SLC10A4: variants seen among roughly 807,000 people sequenced by gnomAD.
SLC10A4 encodes solute carrier family 10 member 4.
In SLC10A4, 17 loss-of-function variants were observed where a neutral mutation model predicts 22.5. That is an observed-to-expected ratio of 0.76 (90% confidence interval 0.52 to 1.14). The LOEUF is 1.14. Ranked by LOEUF, SLC10A4 falls within the 50% of genes most tolerant of loss-of-function variation. The pLI, the probability that SLC10A4 is intolerant of heterozygous loss-of-function variation, is 0.00. For synonymous variants in SLC10A4, 257 were observed against 258.2 expected, an observed-to-expected ratio of 1.00 and a Z score of 0.04; for missense variants, 548 against 584.0, an observed-to-expected ratio of 0.94 and a Z score of 0.64.
Position 48,483,409 on chromosome 4 carries a change from G to A in SLC10A4, c.-153G>A. 4 of 478,120 alleles carry A rather than the reference G, an allele frequency of 8.4e-6. No homozygotes were observed. The highest frequency in any genetic ancestry group is 1.3e-5 in the Non-Finnish European group (4 of 301,650). The allele number at this position is 478,120 out of a possible 1,614,324, so 29.6% of individuals were successfully genotyped here. A position where few individuals can be genotyped will look rare whatever the true frequency, so the allele number is the denominator to read the frequency against. On this transcript the variant is annotated 5_prime_UTR_variant, in exon 1 of 3. Transcript: ENST00000273861. This position sits in a 1 kb window ranked among gnomAD's most constrained non-coding sequence, Gnocchi z 5.4. ...GCTGCAGACCTGGGAGCGGAGACCGGCCCGCCGCCCCCGACGCCGCCGAGC... is the reference window on the plus strand; with the variant it reads ...GCTGCAGACCTGGGAGCGGAGACCGACCCGCCGCCCCCGACGCCGCCGAGC...
chr4:48,488,648 G>A lies in SLC10A4; in HGVS notation c.1023G>A (p.Val341=). 1 of 1,614,128 alleles carries A rather than the reference G, an allele frequency of 6.2e-7. No individual in the cohort carries two copies. The highest frequency in any genetic ancestry group is 8.5e-7 in the Non-Finnish European group (1 of 1,180,036). Reference sequence around the variant, plus strand: ...GTCTGGAAACAGGTAGTCAGAATGTGCAGCTCTGTACAGCCATTCTAAAAC... The same window carrying A: ...GTCTGGAAACAGGTAGTCAGAATGTACAGCTCTGTACAGCCATTCTAAAAC... ...TVCLETGSQN[V]QLCTAILKLA... The change falls in exon 3 of 3, where the codon GTG becomes GTA. Residue 341 remains valine (V), a synonymous_variant. Transcript: ENST00000273861.
Position 48,488,405 on chromosome 4 carries a change from CATT to C in SLC10A4, c.802-21_802-19del. The C allele has an allele frequency of 6.4e-7, 1 of 1,559,834 alleles. No homozygotes were observed. Among genetic ancestry groups the C allele is most frequent in the Non-Finnish European group, 8.7e-7 (1 of 1,151,636 alleles). On this transcript the variant is annotated intron_variant, in intron 2 of 2. Coordinates refer to ENST00000273861, the MANE Select transcript of SLC10A4 (RefSeq NM_152679.4). Reference sequence around the variant, plus strand: ...CGCCTGAGTTCATCTTCAACCATCTCATTGTAATTTTCTATTACTAGGTTTCCC... The same window carrying C: ...CGCCTGAGTTCATCTTCAACCATCTCGTAATTTTCTATTACTAGGTTTCCC...
In SLC10A4 at chr4:48,488,425, A is replaced by G. The variant is rs764246564; in HGVS notation, c.802-2A>G. On this transcript the variant is annotated splice_acceptor_variant, in intron 2 of 2. Transcript: ENST00000273861. LOFTEE classifies it high-confidence loss of function. ...CATCTCATTGTAATTTTCTATTACT[A>G]GGTTTCCCTGTGGTCTCTGCTAGTG... is the stretch of plus-strand genomic sequence containing the variant. 4 of 1,576,824 alleles carry G rather than the reference A, an allele frequency of 2.5e-6. No individual in the cohort carries two copies. The highest frequency in any genetic ancestry group is 4.5e-5 in the East Asian group (2 of 44,354).
chr4:48,483,909 C>T lies in SLC10A4; in HGVS notation c.348C>T (p.Thr116=). The T allele has an allele frequency of 6.5e-7, 1 of 1,544,932 alleles. No individual in the cohort carries two copies. Among genetic ancestry groups the T allele is most frequent in the Non-Finnish European group, 8.7e-7 (1 of 1,146,492 alleles). ...TCGTGGGCGCCGCCCTGTGCATCAC[C>T]ATGCTGGGCCTGGGCTGCACGGTGG... ...NVFVGAALCI[T]MLGLGCTVDV... Residue 116 remains threonine (T), a synonymous_variant, in exon 1 of 3, where the codon ACC becomes ACT. Coordinates refer to ENST00000273861, the MANE Select transcript of SLC10A4 (RefSeq NM_152679.4). This position sits in a 1 kb window ranked among gnomAD's most constrained non-coding sequence, Gnocchi z 5.4.
intron 1 of SLC10A4, 35 bp from the exon 2 acceptor site, chr4:48,484,897 C>T: frequency 1.9e-6 from 3 of 1,590,468 alleles, no homozygotes; most frequent in Non-Finnish European, 2.6e-6. Context: ...TGACTCAAAG[C>T]TCGTTCTGAT....
chr4:48,483,529 G>A lies in SLC10A4; in HGVS notation c.-33G>A. 2.0e-6 allele frequency: 3 copies of A among 1,473,952 alleles called. No homozygotes were observed. Among genetic ancestry groups the A allele is most frequent in the Non-Finnish European group, 2.7e-6 (3 of 1,114,744 alleles). The allele number at this position is 1,473,952 out of a possible 1,614,324, so 91.3% of individuals were successfully genotyped here. A position where few individuals can be genotyped will look rare whatever the true frequency, so the allele number is the denominator to read the frequency against. On this transcript the variant is annotated 5_prime_UTR_variant, in exon 1 of 3. Transcript: ENST00000273861. The surrounding 1 kb of genome is among the most constrained non-coding windows in gnomAD (Gnocchi z 5.4). ...CGGGACGGCGAGAGGCACGCGGCGG[G>A]AGGGGACCGGAATCCGCAGCTCCGG...
chr4:48,486,062 A>G (rs185303911), intron 2 of SLC10A4, among the ~76,000 whole-genome samples: 2 of 152,330 alleles, frequency 1.3e-5, no homozygotes, highest in East Asian at 3.9e-4. Flanking sequence ...TTACTGCAAA[A>G]TGCACAGGCA....
At chr4:48,485,941 A>C (rs770251888) in intron 2 of SLC10A4, among the ~76,000 whole-genome samples, 3 of 152,184 alleles carry the variant, frequency 2.0e-5, no homozygotes, top group Non-Finnish European at 4.4e-5. Flanking sequence ...GAGGAAAAAA[A>C]ATCTTTGCAA....
intron 2 of SLC10A4, among the ~76,000 whole-genome samples, chr4:48,487,441 A>C (rs1353191516): frequency 1.3e-5 from 2 of 152,232 alleles, no homozygotes; most frequent in Non-Finnish European, 2.9e-5. Flanking sequence ...CAGACATTTT[A>C]ATCAAGTTTC....
chr4:48,485,187 G>A, intron 2 of SLC10A4, 45 bp downstream of exon 2: 1 of 1,574,930 alleles, frequency 6.3e-7, no homozygotes, highest in Non-Finnish European at 8.7e-7. Context: ...GAGAGCCCTT[G>A]ATCTCTGACC....
At chr4:48,486,044 C>T (rs573540264) in intron 2 of SLC10A4, among the ~76,000 whole-genome samples, 6 of 152,146 alleles carry the variant, frequency 3.9e-5, no homozygotes, top group South Asian at 2.1e-4. Flanking sequence ...AAATAAAATA[C>T]GTAACTATTA....
rs776506978 is a variant in SLC10A4 at position 48,488,687 on chromosome 4, G to A, written c.1062G>A (p.Pro354=). The A allele has an allele frequency of 3.1e-6, 5 of 1,613,738 alleles. No individual in the cohort carries two copies. Among genetic ancestry groups the A allele is most frequent in the African/African-American group, 1.3e-5 (1 of 74,874 alleles). The change falls in exon 3 of 3, where the codon CCG becomes CCA. Residue 354 remains proline, a synonymous_variant. Transcript: ENST00000273861. ...CTAILKLAFP[P]QFIGSMYMFP... is the part of the protein sequence containing the mutation. ...CCATTCTAAAACTGGCCTTTCCACC[G>A]CAATTCATAGGAAGCATGTACATGT...
In SLC10A4 at chr4:48,484,003, G is replaced by A. The variant is rs1197775858; in HGVS notation, c.442G>A (p.Gly148Ser). 3 of 1,580,516 alleles carry A rather than the reference G, an allele frequency of 1.9e-6. No homozygotes were observed. The highest frequency in any genetic ancestry group is 1.8e-5 in the Admixed American group (1 of 56,410). The change falls in exon 1 of 3, where the codon GGC becomes AGC. Residue 148 changes from glycine to serine, a missense_variant. By Grantham distance (56) the Gly-to-Ser change is moderately conservative (BLOSUM62 0). Transcript: ENST00000273861. ...GCTGCTGGCAGCGCTCTGCCAGTTC[G>A]GCCTCCTGCCGCTGCTGGCCTTCCT... ...GALLAALCQFGLLPLLAFLLA... is the reference protein window; with the variant it reads ...GALLAALCQFSLLPLLAFLLA...
In SLC10A4 at chr4:48,484,914, A is replaced by T; in HGVS notation, c.591-18A>T. The T allele has an allele frequency of 6.2e-7, 1 of 1,607,354 alleles. No individual in the cohort carries two copies. Among genetic ancestry groups the T allele is most frequent in the Middle Eastern group, 1.9e-4 (1 of 5,220 alleles). ...ACTCAAAGCTCGTTCTGATTTCTGC[A>T]CATTCCCTTTTCTGCAGCATCATCA... is the stretch of plus-strand genomic sequence containing the variant. On this transcript the variant is annotated intron_variant, in intron 1 of 2. Coordinates refer to ENST00000273861, the MANE Select transcript of SLC10A4 (RefSeq NM_152679.4).
At position 48,489,125 on chromosome 4, in the gene SLC10A4, A is replaced by C. The variant is rs1302047311; in HGVS notation, c.*186A>C. The C allele has an allele frequency of 1.5e-6, 1 of 653,310 alleles. No homozygotes were observed. The highest frequency in any genetic ancestry group is 2.4e-6 in the Non-Finnish European group (1 of 419,214). 40.5% of individuals were successfully genotyped at this position (653,310 alleles called of 1,614,324 possible). On this transcript the variant is annotated 3_prime_UTR_variant, in exon 3 of 3. Transcript: ENST00000273861. ...TCACAAATTACAAATCAATGCTGTAATATAATTTGCACCTGGAATGGCTAA... is the reference window on the plus strand; with the variant it reads ...TCACAAATTACAAATCAATGCTGTACTATAATTTGCACCTGGAATGGCTAA...
chr4:48,487,079 CGAGGA>C (rs1560480656), intron 2 of SLC10A4, among the ~76,000 whole-genome samples: 1 of 151,702 alleles, frequency 6.6e-6, no homozygotes, highest in African/African-American at 2.4e-5. Context: ...TGAAGGAGAA[CGAGGA>C]GAGGAATTTT....
At chr4:48,484,863 C>CAA in intron 1 of SLC10A4, 69 bp from the exon 2 acceptor site, 1 of 1,470,130 alleles carries the variant, frequency 6.8e-7, no homozygotes, top group East Asian at 2.3e-5. Flanking sequence ...ACTCAACATA[C>CAA]AAGAAAAAGG....
chr4:48,488,117 TTTTG>T (rs897050146), intron 2 of SLC10A4, among the ~76,000 whole-genome samples: 4 of 151,068 alleles, frequency 2.6e-5, no homozygotes, highest in East Asian at 2.0e-4. Context: ...AGCTGGGTTT[TTTTG>T]TTTGTTTTTT....
intron 2 of SLC10A4, among the ~76,000 whole-genome samples, chr4:48,488,119 T>C (rs1162090336): frequency 6.6e-6 from 1 of 150,820 alleles, no homozygotes; most frequent in African/African-American, 2.4e-5. Context: ...CTGGGTTTTT[T>C]TGTTTGTTTT....
Sources: gnomAD v4.1 joint callset for allele counts (sites outside exome capture counted in the v4.1 genomes callset) on GRCh38, gnomAD v4.1.1 for gene constraint, Gnocchi (gnomAD v3.1) non-coding constraint, MANE v1.5 for transcripts, NCBI Gene and HGNC (gene_info 2026-07-23, HGNC 2026-07-21) for gene names.